NELL1: variants seen among roughly 807,000 people sequenced by gnomAD.
NELL1 encodes neural EGFL like 1.
A neutral mutation model predicts 107.4 loss-of-function variants in NELL1; 76 were observed. The ratio of observed to expected loss-of-function variants is 0.71; its 90% CI spans 0.59 to 0.86. The LOEUF (loss-of-function observed/expected upper bound fraction) is 0.86, where lower values mean the gene tolerates loss of function less well. Ranked by LOEUF, NELL1 falls within the 40% of genes least tolerant of loss-of-function variation. The pLI, the probability that NELL1 is intolerant of heterozygous loss-of-function variation, is 0.00. For synonymous variants in NELL1, 353 were observed against 341.2 expected (o/e 1.03, Z -0.38); for missense variants, 1,024 against 1,005.5 (o/e 1.02, Z -0.25).
rs184301811 is a variant in NELL1 at position 21,463,738 on chromosome 11, C to T, written c.1646-70636C>T. Among the ~76,000 whole-genome samples the T allele has an allele frequency of 5.9e-5, 9 of 152,160 alleles. No homozygotes were observed. In the East Asian group the frequency reaches 1.2e-3, roughly 20 times the overall value. On this transcript the variant is annotated intron_variant, in intron 15 of 19. Coordinates refer to ENST00000357134, the MANE Select transcript of NELL1 (RefSeq NM_006157.5). ...ACTACTTAGTGGCATAAGACAATGA[C>T]CCTAGAATTACGTTCACAGCTCTTC...
At chr11:21,420,721 A>G (rs548792123) in intron 15 of NELL1, among the ~76,000 whole-genome samples, 16 of 152,154 alleles carry the variant, frequency 1.1e-4, no homozygotes, top group Non-Finnish European at 2.2e-4. Context: ...AAAAAATTGT[A>G]TTAGAGTGGG....
At chr11:20,843,374 G>T (rs1042666367) in intron 3 of NELL1, among the ~76,000 whole-genome samples, 21 of 152,014 alleles carry the variant, frequency 1.4e-4, no homozygotes, top group African/African-American at 5.1e-4. Flanking sequence ...TGAATAGCTA[G>T]TATATATCCT....
intron 13 of NELL1, among the ~76,000 whole-genome samples, chr11:21,190,806 A>C (rs1857033498): frequency 6.6e-6 from 1 of 151,924 alleles, no homozygotes; most frequent in South Asian, 2.1e-4. Context: ...GCATTCCCAG[A>C]AGCTGGAGAA....
chr11:20,850,269 A>G (rs1278971593), intron 4 of NELL1, among the ~76,000 whole-genome samples: 1 of 152,134 alleles, frequency 6.6e-6, no homozygotes, highest in Non-Finnish European at 1.5e-5. Flanking sequence ...CCTCACAGAG[A>G]GTGAATTTCA....
intron 13 of NELL1, among the ~76,000 whole-genome samples, chr11:21,196,017 G>C (rs567332891): frequency 6.6e-6 from 1 of 152,240 alleles, no homozygotes; most frequent in South Asian, 2.1e-4. Flanking sequence ...ATTTCTTTAG[G>C]GTTATTTGGT....
At chr11:20,963,953 G>T (rs2134219289) in intron 12 of NELL1, among the ~76,000 whole-genome samples, 1 of 152,224 alleles carries the variant, frequency 6.6e-6, no homozygotes, top group African/African-American at 2.4e-5. Flanking sequence ...TGGCATATTG[G>T]CTCCTGCTCT....
Position 21,575,038 on chromosome 11 carries a change from C to T in NELL1, c.*16C>T. 1 of 1,599,566 alleles carries T rather than the reference C, an allele frequency of 6.3e-7. No homozygotes were observed. Among genetic ancestry groups the T allele is most frequent in the Non-Finnish European group, 8.6e-7 (1 of 1,167,806 alleles). Reference sequence around the variant, plus strand: ...AAATAATTGAAGTATTTACAGTGGACTCAACGCAGAAGAATGGACGAAATG... The same window carrying T: ...AAATAATTGAAGTATTTACAGTGGATTCAACGCAGAAGAATGGACGAAATG... On this transcript the variant is annotated 3_prime_UTR_variant, in exon 20 of 20. Coordinates refer to ENST00000357134, the MANE Select transcript of NELL1 (RefSeq NM_006157.5).
At chr11:20,677,836 C>T (rs1258228145) in intron 1 of NELL1, 96 bp from the exon 2 acceptor site, 1 of 1,434,842 alleles carries the variant, frequency 7.0e-7, no homozygotes, top group Non-Finnish European at 9.7e-7. Flanking sequence ...TCATCATTGG[C>T]TTCCTTGTAT....
chr11:21,263,269 T>G (rs986083992), intron 14 of NELL1, among the ~76,000 whole-genome samples: 2 of 151,930 alleles, frequency 1.3e-5, no homozygotes, highest in African/African-American at 4.8e-5. Context: ...GGCTTTCCAC[T>G]CATACTTAAG....
chr11:21,245,319 C>T (rs1290167983), intron 14 of NELL1, among the ~76,000 whole-genome samples: 2 of 152,170 alleles, frequency 1.3e-5, no homozygotes, highest in East Asian at 3.9e-4. Context: ...TTGGCAATTT[C>T]TGTGGCCTTG....
chr11:21,242,470 G>A (rs1858388833), intron 14 of NELL1, among the ~76,000 whole-genome samples: 1 of 152,112 alleles, frequency 6.6e-6, no homozygotes, highest in Admixed American at 6.6e-5. Flanking sequence ...GAAGCTATGT[G>A]TGCCCAGGAA....
intron 14 of NELL1, chr11:21,283,715 G>A (rs1419345272): frequency 6.0e-6 from 1 of 165,510 alleles, no homozygotes; most frequent in African/African-American, 2.4e-5. Context: ...ACCCAAGGAA[G>A]CTAGTTCAAA....
intron 14 of NELL1, among the ~76,000 whole-genome samples, chr11:21,305,485 C>A (rs1377321464): frequency 6.6e-6 from 1 of 151,854 alleles, no homozygotes; most frequent in Non-Finnish European, 1.5e-5. Flanking sequence ...GCCATTCTAG[C>A]AAGTGAAATG....
At chr11:20,834,506 T>G (rs1221792441) in intron 3 of NELL1, among the ~76,000 whole-genome samples, 5 of 151,984 alleles carry the variant, frequency 3.3e-5, no homozygotes, top group African/African-American at 1.2e-4. Flanking sequence ...AAAAGCACCC[T>G]CCTGGCTAAC....
At chr11:21,008,955 G>A (rs1047419254) in intron 12 of NELL1, among the ~76,000 whole-genome samples, 2 of 152,134 alleles carry the variant, frequency 1.3e-5, no homozygotes, top group East Asian at 1.9e-4. Flanking sequence ...TGTCAAGTAA[G>A]GTAGAGTCTC....
At chr11:21,155,361 G>A (rs1856208875) in intron 13 of NELL1, among the ~76,000 whole-genome samples, 1 of 152,070 alleles carries the variant, frequency 6.6e-6, no homozygotes, top group Non-Finnish European at 1.5e-5. Context: ...GTGTAGAGAT[G>A]TATATTTGGA....
chr11:21,376,285 C>T (rs1191949171), intron 15 of NELL1, among the ~76,000 whole-genome samples: 1 of 152,134 alleles, frequency 6.6e-6, no homozygotes, highest in Non-Finnish European at 1.5e-5. Context: ...GCTATCTCAG[C>T]ACCATTTATT....
chr11:21,057,038 A>G (rs1853629952), intron 12 of NELL1, among the ~76,000 whole-genome samples: 1 of 152,146 alleles, frequency 6.6e-6, no homozygotes, highest in Non-Finnish European at 1.5e-5. Context: ...TATGAGTTTT[A>G]AAGTTTGAAG....
chr11:21,101,419 C>A (rs1004588006), intron 12 of NELL1, among the ~76,000 whole-genome samples: 1 of 152,240 alleles, frequency 6.6e-6, no homozygotes, highest in African/African-American at 2.4e-5. Context: ...GCCACACTGA[C>A]TTCCACAATG....
Sources: gnomAD v4.1 joint callset for allele counts (sites outside exome capture counted in the v4.1 genomes callset) on GRCh38, gnomAD v4.1.1 for gene constraint, MANE v1.5 for transcripts, NCBI Gene and HGNC (gene_info 2026-07-23, HGNC 2026-07-21) for gene names.